Variants in COL1A2 observed in about 807,000 individuals in gnomAD.
COL1A2 encodes the protein collagen alpha-2(I) chain.
In COL1A2, 49 loss-of-function variants were observed where a neutral mutation model predicts 174.3. The ratio of observed to expected loss-of-function variants is 0.28; its 90% CI spans 0.22 to 0.36. The LOEUF (loss-of-function observed/expected upper bound fraction) is 0.36. COL1A2 is among the 10% of genes least tolerant of loss of function. COL1A2 has a pLI of 1.00. For synonymous variants in COL1A2, 655 were observed against 606.6 expected, an observed-to-expected ratio of 1.08 and a Z score of -1.17; for missense variants, 1,438 against 1,822.7, an observed-to-expected ratio of 0.79 and a Z score of 3.84.
At chr7:94,418,179 G>C (rs903122321) in intron 32 of COL1A2, among the ~76,000 whole-genome samples, 2 of 152,166 alleles carry the variant, frequency 1.3e-5, no homozygotes, top group Non-Finnish European at 2.9e-5. Flanking sequence ...AGAGTGATCA[G>C]GCGCTGCAGC....
In COL1A2 at chr7:94,399,055, G is replaced by A; in HGVS notation, c.103G>A (p.Ala35Thr). ...GTTTGTATCTTTCCTGTAGGGCCCA[G>A]CCGGAGATAGAGGACCACGTGGAGA... ...LQEETVRKGP[A>T]GDRGPRGERG... The change falls in exon 4 of 52, where the codon GCC becomes ACC. Residue 35 changes from alanine to threonine, a missense_variant. Around this residue, in one of 3 missense-constraint regions of COL1A2, gnomAD observed 281 missense variants for 310.9 expected, o/e 0.90. Transcript: ENST00000297268. The A allele has an allele frequency of 6.2e-7, 1 of 1,613,680 alleles. No individual in the cohort carries two copies. Among genetic ancestry groups the A allele is most frequent in the Non-Finnish European group, 8.5e-7 (1 of 1,179,662 alleles).
intron 46 of COL1A2, 54 bp from the exon 47 acceptor site, chr7:94,426,952 AAT>A (rs2115956717): frequency 5.8e-6 from 8 of 1,377,940 alleles, no homozygotes; most frequent in African/African-American, 4.4e-5. Flanking sequence ...AAAAAAAAAA[AAT>A]ATGTCTCTTG....
chr7:94,398,706 T>C (rs1281635368), intron 3 of COL1A2, among the ~76,000 whole-genome samples: 1 of 152,010 alleles, frequency 6.6e-6, no homozygotes, highest in African/African-American at 2.4e-5. Context: ...GTAAAAAAAG[T>C]TTATTTTAAA....
At position 94,421,065 on chromosome 7, in the gene COL1A2, G is replaced by A. The variant is rs1244250854; in HGVS notation, c.2349+3G>A. 3.1e-6 allele frequency: 5 copies of A among 1,614,086 alleles called. No individual in the cohort carries two copies. In the South Asian group the frequency reaches 5.5e-5, roughly 18 times the overall value. On this transcript the variant is annotated splice_donor_region_variant and intron_variant, in intron 38 of 51. Transcript: ENST00000297268. The stretch of plus-strand genomic sequence containing the variant: ...GTCGTGGTGATGGAGGCCCCCCTGT[G>A]AGTATTTACAATGGACTCTCGCCGC...
chr7:94,412,563 T>C (rs1017078433), intron 24 of COL1A2, 21 bp from the exon 25 acceptor site: 46 of 1,602,064 alleles, frequency 2.9e-5, no homozygotes, highest in Non-Finnish European at 3.8e-5. Flanking sequence ...CTGAGTAAAC[T>C]TGAAATAACT....
chr7:94,401,690 C>A (rs1418032208), intron 6 of COL1A2, 70 bp downstream of exon 6: 1 of 1,167,086 alleles, frequency 8.6e-7, no homozygotes, highest in Non-Finnish European at 1.3e-6. Flanking sequence ...CACATTTTAC[C>A]ACGCCATTTA....
At position 94,427,289 on chromosome 7, in the gene COL1A2, C is replaced by A. The variant is rs142518265; in HGVS notation, c.3261C>A (p.Gly1087=). Reference sequence around the variant, plus strand: ...TTCGAGGCCCTCAGGGTCACCAAGGCCCTGCTGTAAGTATGATTTGGGGAA... The same window carrying A: ...TTCGAGGCCCTCAGGGTCACCAAGGACCTGCTGTAAGTATGATTTGGGGAA... The part of the protein sequence containing the change: ...AGIRGPQGHQ[G]PAGPPGPPGP... Residue 1087 remains glycine, a synonymous_variant, in exon 48 of 52, where the codon GGC becomes GGA. Transcript: ENST00000297268. 4 of 1,610,520 alleles carry A rather than the reference C, an allele frequency of 2.5e-6. No individual in the cohort carries two copies. The highest frequency in any genetic ancestry group is 3.4e-6 in the Non-Finnish European group (4 of 1,178,116).
chr7:94,413,036 T>G lies in COL1A2; in HGVS notation c.1504-47T>G, dbSNP rs1263434617. 1.9e-6 allele frequency: 3 copies of G among 1,584,928 alleles called. No individual in the cohort carries two copies. The African/African-American group carries it at 4.0e-5, about 21-fold the overall frequency. ...AAAATCACCGTGGTTAATTTGACATTAAATGTGCAAAGCTGTTCTTTGTTT... is the reference window on the plus strand; with the variant it reads ...AAAATCACCGTGGTTAATTTGACATGAAATGTGCAAAGCTGTTCTTTGTTT... On this transcript the variant is annotated intron_variant, in intron 25 of 51. Transcript: ENST00000297268.
Position 94,398,376 on chromosome 7 carries a change from T to C in COL1A2, c.82-6T>C. 1 of 918,110 alleles carries C rather than the reference T, an allele frequency of 1.1e-6. No homozygotes were observed. The highest frequency in any genetic ancestry group is 1.6e-6 in the Non-Finnish European group (1 of 623,372). The allele number at this position is 918,110 out of a possible 1,614,324, so 56.9% of individuals were successfully genotyped here. On this transcript the variant is annotated splice_region_variant and splice_polypyrimidine_tract_variant and intron_variant, in intron 2 of 51. Coordinates refer to ENST00000297268, the MANE Select transcript of COL1A2 (RefSeq NM_000089.4). ...TCATAATAATCTTTGATTTATTCTT[T>C]TCTAGGAAACTGTAAGAAAGGTAAG...
chr7:94,402,705 C>G (rs565049584), intron 6 of COL1A2, among the ~76,000 whole-genome samples: 5 of 152,194 alleles, frequency 3.3e-5, no homozygotes, highest in Admixed American at 6.5e-5. Context: ...CACACACACG[C>G]AATTTAGTGA....
At chr7:94,406,360 C>T (rs1584317047) in intron 12 of COL1A2, 57 bp downstream of exon 12, 1 of 1,537,872 alleles carries the variant, frequency 6.5e-7, no homozygotes, top group African/African-American at 1.4e-5. Context: ...TCCCCATGAC[C>T]TCCAAAAAAG....
chr7:94,398,923 A>G (rs2115855692), intron 3 of COL1A2, 126 bp from the exon 4 acceptor site: 1 of 876,500 alleles, frequency 1.1e-6, no homozygotes, highest in Non-Finnish European at 1.9e-6. Flanking sequence ...AATTTTTTAT[A>G]TGCTATCTAA....
intron 44 of COL1A2, 43 bp downstream of exon 44, chr7:94,425,900 G>A: frequency 1.2e-6 from 2 of 1,604,318 alleles, no homozygotes; most frequent in Non-Finnish European, 1.7e-6. Context: ...CATTCTCGTG[G>A]GCTTCACTTC....
At chr7:94,400,158 C>T (rs1452055147) in intron 4 of COL1A2, 38 bp from the exon 5 acceptor site, 2 of 1,584,274 alleles carry the variant, frequency 1.3e-6, no homozygotes, top group South Asian at 1.1e-5. Flanking sequence ...TTCTACAGGG[C>T]CTGTCTAACC....
At chr7:94,420,012 T>A (rs1399053296) in intron 34 of COL1A2, among the ~76,000 whole-genome samples, 1 of 152,196 alleles carries the variant, frequency 6.6e-6, no homozygotes, top group African/African-American at 2.4e-5. Flanking sequence ...AGGCACTGAT[T>A]TATAGTGTTT....
chr7:94,426,154 T>C, intron 45 of COL1A2, 103 bp downstream of exon 45: 5 of 1,165,994 alleles, frequency 4.3e-6, no homozygotes, highest in Non-Finnish European at 6.4e-6. Context: ...GACTTAATAT[T>C]TTTTAAAAAT....
intron 13 of COL1A2, 70 bp from the exon 14 acceptor site, chr7:94,408,113 A>G: frequency 2.0e-6 from 3 of 1,534,154 alleles, no homozygotes; most frequent in Non-Finnish European, 2.7e-6. Flanking sequence ...AAACTGAACA[A>G]AGCAAATGAT....
intron 32 of COL1A2, 81 bp downstream of exon 32, chr7:94,417,912 C>A: frequency 8.6e-7 from 1 of 1,157,560 alleles, no homozygotes; most frequent in South Asian, 1.3e-5. Flanking sequence ...TTTCACAATT[C>A]TTGGCAGGTG....
At chr7:94,401,375 C>T (rs1243870921) in intron 5 of COL1A2, among the ~76,000 whole-genome samples, 192 bp from the exon 6 acceptor site, 5 of 152,074 alleles carry the variant, frequency 3.3e-5, no homozygotes, top group Admixed American at 2.0e-4. Context: ...AAGTTTTTGA[C>T]GTACAGCTCT....
Sources: allele counts gnomAD v4.1 joint callset (sites outside exome capture counted in the v4.1 genomes callset), GRCh38; gene constraint gnomAD v4.1.1; regional missense constraint gnomAD v4.1.1; transcripts MANE v1.5; gene names NCBI Gene and HGNC (gene_info 2026-07-23, HGNC 2026-07-21).